Variants in RAB3C observed in about 807,000 individuals in gnomAD.
RAB3C encodes the protein RAB3C, member RAS oncogene family, also known as ras-related protein Rab-3C.
Under a neutral mutation model 26.4 loss-of-function variants are expected in RAB3C, and 17 were observed. The ratio of observed to expected loss-of-function variants is 0.64; its 90% CI spans 0.44 to 0.97. RAB3C has a LOEUF of 0.97. RAB3C is among the 50% of genes least tolerant of loss of function. The probability of loss-of-function intolerance (pLI) is 0.00; values close to 1 mark genes in which losing one functional copy is unlikely to be tolerated. For missense variants in RAB3C, 242 were observed against 281.9 expected, an observed-to-expected ratio of 0.86 and a Z score of 1.01; for synonymous variants, 91 against 95.9, an observed-to-expected ratio of 0.95 and a Z score of 0.30.
chr5:58,786,921 A>G (rs538363620), intron 3 of RAB3C, among the ~76,000 whole-genome samples: 3 of 152,126 alleles, frequency 2.0e-5, no homozygotes, highest in South Asian at 2.1e-4. Context: ...GTAGAAAGGC[A>G]TCGGGCTTCC....
Position 58,664,354 on chromosome 5 carries a change from G to A in RAB3C, c.252+46484G>A, listed in dbSNP as rs144147116. On this transcript the variant is annotated intron_variant, in intron 2 of 4. Coordinates refer to ENST00000282878, the MANE Select transcript of RAB3C (RefSeq NM_138453.4). ...GAATCTTCAGGGAATTATGCTGAGT[G>A]AAAAGGCCAATCTCCAAAGGTCATA... 3.0e-3 allele frequency among the ~76,000 whole-genome samples: 451 copies of A among 152,282 alleles called. 1 individual carries two copies. Among genetic ancestry groups the A allele is most frequent in the Middle Eastern group, 6.8e-3 (2 of 294 alleles).
intron 4 of RAB3C, among the ~76,000 whole-genome samples, chr5:58,840,059 T>C (rs1183560442): frequency 2.0e-5 from 3 of 152,072 alleles, no homozygotes; most frequent in Non-Finnish European, 2.9e-5. Flanking sequence ...TTATTAATTA[T>C]GCTATCCTCA....
rs986491242 is a variant in RAB3C at position 58,856,184 on chromosome 5, A to C, written c.*4833A>C. 1.3e-5 allele frequency: 2 copies of C among 151,858 alleles called. No individual in the cohort carries two copies. The highest frequency in any genetic ancestry group is 4.8e-5 in the African/African-American group (2 of 41,308). 9.4% of individuals were successfully genotyped at this position (151,858 alleles called of 1,614,324 possible). ...ATGTTCCAGCTATAACTCACATCTT[A>C]CTTATAAGGTCCATAAAATCGGTTC... On this transcript the variant is annotated 3_prime_UTR_variant, in exon 5 of 5. Transcript: ENST00000282878.
At chr5:58,626,207 C>A (rs78595036) in intron 2 of RAB3C, among the ~76,000 whole-genome samples, 12,788 of 152,086 alleles carry the variant, frequency 0.084, 602 homozygotes, top group East Asian at 0.18. Context: ...CATTAAGTTT[C>A]TTTTTTCTTA....
At chr5:58,753,135 G>A (rs1196016352) in intron 3 of RAB3C, among the ~76,000 whole-genome samples, 1 of 152,112 alleles carries the variant, frequency 6.6e-6, no homozygotes, top group Non-Finnish European at 1.5e-5. Context: ...GAAGCTTAAT[G>A]TTTTGCTGCT....
intron 2 of RAB3C, among the ~76,000 whole-genome samples, chr5:58,642,860 A>C (rs1222776235): frequency 6.6e-6 from 1 of 152,244 alleles, no homozygotes; most frequent in Non-Finnish European, 1.5e-5. Flanking sequence ...AAAGTAAGGC[A>C]GGAAACCATT....
At chr5:58,832,879 A>T (rs1220359570) in intron 4 of RAB3C, among the ~76,000 whole-genome samples, 1 of 152,166 alleles carries the variant, frequency 6.6e-6, no homozygotes, top group Non-Finnish European at 1.5e-5. Context: ...CATGCTGAGG[A>T]TCCTAAGTTT....
In RAB3C at chr5:58,605,778, G is replaced by A. The variant is rs548258968; in HGVS notation, c.25-11865G>A. ...CCGAATGTGTTGGTGGGCACCAAGC[G>A]CTTGTAATCCCTGCTACTTGGGAGG... On this transcript the variant is annotated intron_variant, in intron 1 of 4. Transcript: ENST00000282878. Among the ~76,000 whole-genome samples the A allele has an allele frequency of 9.2e-5, 14 of 152,216 alleles. No individual in the cohort carries two copies. The South Asian group carries it at 1.5e-3, about 16-fold the overall frequency.
At chr5:58,616,231 A>G (rs1579818758) in intron 1 of RAB3C, among the ~76,000 whole-genome samples, 1 of 152,194 alleles carries the variant, frequency 6.6e-6, no homozygotes, top group African/African-American at 2.4e-5. Context: ...CTGTATTTGC[A>G]CTGTCCAGTA....
intron 3 of RAB3C, among the ~76,000 whole-genome samples, chr5:58,765,904 T>C (rs939608309): frequency 2.0e-5 from 3 of 152,120 alleles, no homozygotes; most frequent in African/African-American, 7.2e-5. Flanking sequence ...GAGTGAGTTC[T>C]CGTGAGATCT....
At chr5:58,776,906 G>A (rs1742155357) in intron 3 of RAB3C, among the ~76,000 whole-genome samples, 1 of 152,116 alleles carries the variant, frequency 6.6e-6, no homozygotes, top group Admixed American at 6.6e-5. Context: ...TATAACTTCT[G>A]CCCACATTCT....
chr5:58,693,307 A>T (rs10075402), intron 2 of RAB3C, among the ~76,000 whole-genome samples: 1 of 128,148 alleles, frequency 7.8e-6, no homozygotes, highest in African/African-American at 3.6e-5. Context: ...TAATTATATA[A>T]ATAAAATTAA....
At chr5:58,618,434 A>C (rs1746869934) in intron 2 of RAB3C, among the ~76,000 whole-genome samples, 1 of 152,186 alleles carries the variant, frequency 6.6e-6, no homozygotes, top group Admixed American at 6.6e-5. Flanking sequence ...TATATATGCA[A>C]ATAAAACAAA....
chr5:58,774,448 C>T (rs1302220011), intron 3 of RAB3C, among the ~76,000 whole-genome samples: 1 of 152,174 alleles, frequency 6.6e-6, no homozygotes, highest in Admixed American at 6.5e-5. Context: ...TCTCCTACAA[C>T]TAGTATGTCC....
intron 1 of RAB3C, among the ~76,000 whole-genome samples, chr5:58,607,301 G>A (rs1746593985): frequency 6.6e-6 from 1 of 151,982 alleles, no homozygotes; most frequent in African/African-American, 2.4e-5. Context: ...TCAAGTGGAA[G>A]AAAGGATATC....
intron 2 of RAB3C, among the ~76,000 whole-genome samples, chr5:58,654,445 A>G (rs921454035): frequency 3.9e-5 from 6 of 152,206 alleles, no homozygotes; most frequent in Non-Finnish European, 8.8e-5. Flanking sequence ...CAGAGTATAT[A>G]TGTGATTATG....
At chr5:58,770,721 C>T (rs994328441) in intron 3 of RAB3C, among the ~76,000 whole-genome samples, 1 of 152,038 alleles carries the variant, frequency 6.6e-6, no homozygotes. Context: ...ATGAATTTTA[C>T]CAAACAACAC....
chr5:58,676,682 C>T (rs1256968574), intron 2 of RAB3C, among the ~76,000 whole-genome samples: 1 of 152,050 alleles, frequency 6.6e-6, no homozygotes, highest in Non-Finnish European at 1.5e-5. Context: ...GACCTGGCAG[C>T]TTCATTAGCA....
chr5:58,610,850 C>T (rs1049252552), intron 1 of RAB3C, among the ~76,000 whole-genome samples: 2 of 152,022 alleles, frequency 1.3e-5, no homozygotes, highest in African/African-American at 2.4e-5. Context: ...ATTTCATCAT[C>T]CAGGTATTAA....
Sources: gnomAD v4.1 joint callset for allele counts (sites outside exome capture counted in the v4.1 genomes callset) on GRCh38, gnomAD v4.1.1 for gene constraint, MANE v1.5 for transcripts, NCBI Gene and HGNC (gene_info 2026-07-23, HGNC 2026-07-21) for gene names.